Variants in ITSN1 observed in about 807,000 individuals in gnomAD.
The protein encoded by ITSN1 is intersectin-1.
A neutral mutation model predicts 239.8 loss-of-function variants in ITSN1; 58 were observed. The observed-to-expected ratio is 0.24, with a 90% CI of 0.20 to 0.30. The LOEUF (loss-of-function observed/expected upper bound fraction) is 0.30, where lower values mean the gene tolerates loss of function less well. ITSN1 is among the 10% of genes least tolerant of loss of function. The probability of loss-of-function intolerance (pLI) is 1.00; values close to 1 mark genes in which losing one functional copy is unlikely to be tolerated. For missense variants in ITSN1, 1,558 were observed against 2,103.3 expected (o/e 0.74, Z 5.07); for synonymous variants, 780 against 770.8 (o/e 1.01, Z -0.20).
chr21:33,658,606 C>G (rs1252319048), intron 1 of ITSN1, among the ~76,000 whole-genome samples: 1 of 152,184 alleles, frequency 6.6e-6, no homozygotes, highest in African/African-American at 2.4e-5. Context: ...ATCATTGACT[C>G]AAATGTTACT....
At chr21:33,700,083 T>A (rs58251281) in intron 1 of ITSN1, among the ~76,000 whole-genome samples, 1 of 150,784 alleles carries the variant, frequency 6.6e-6, no homozygotes, top group Non-Finnish European at 1.5e-5. Flanking sequence ...TTTTTGTTGT[T>A]GTTTTGTTTT....
At position 33,899,858 on chromosome 21, in the gene ITSN1, C is replaced by T. The variant is rs141145073; in HGVS notation, c.*11558C>T. On this transcript the variant is annotated 3_prime_UTR_variant, in exon 40 of 40. Transcript: ENST00000381318. ...TAGTTCATGAATAAAAGGAGAAAAGCCAATCTGTTATAGTGGATTATTTTG... is the reference window on the plus strand; with the variant it reads ...TAGTTCATGAATAAAAGGAGAAAAGTCAATCTGTTATAGTGGATTATTTTG... The T allele has an allele frequency of 6.6e-6, 1 of 152,136 alleles. No homozygotes were observed. Among genetic ancestry groups the T allele is most frequent in the African/African-American group, 2.4e-5 (1 of 41,418 alleles). 9.4% of individuals were successfully genotyped at this position (152,136 alleles called of 1,614,324 possible).
intron 12 of ITSN1, among the ~76,000 whole-genome samples, chr21:33,773,300 G>A (rs769086841): frequency 1.1e-4 from 17 of 152,148 alleles, no homozygotes; most frequent in Middle Eastern, 6.8e-3. Context: ...GAGCCACCGC[G>A]CCTGGCCCAT....
chr21:33,712,839 CT>C (rs760231931), intron 1 of ITSN1, among the ~76,000 whole-genome samples: 3 of 152,224 alleles, frequency 2.0e-5, no homozygotes, highest in Non-Finnish European at 4.4e-5. Context: ...TGTGTTCTGT[CT>C]GCTATAGCAG....
intron 19 of ITSN1, among the ~76,000 whole-genome samples, chr21:33,802,159 C>T (rs1330613125): frequency 6.6e-6 from 1 of 151,940 alleles, no homozygotes; most frequent in Non-Finnish European, 1.5e-5. Flanking sequence ...AGAAGCAGCT[C>T]GCTCTCATCC....
intron 4 of ITSN1, among the ~76,000 whole-genome samples, chr21:33,724,097 TTGTG>T (rs58227751): frequency 6.6e-6 from 1 of 150,542 alleles, no homozygotes; most frequent in Non-Finnish European, 1.5e-5. Flanking sequence ...GTGTGTGTGT[TTGTG>T]TGTGTGTGTG....
intron 23 of ITSN1, 64 bp downstream of exon 23, chr21:33,818,536 C>A: frequency 7.3e-7 from 1 of 1,364,768 alleles, no homozygotes; most frequent in Non-Finnish European, 1.0e-6. Flanking sequence ...TTACTGTTTG[C>A]ACTAGTTAAG....
At position 33,826,801 on chromosome 21, in the gene ITSN1, T is replaced by C; in HGVS notation, c.3184-17T>C. ...AAAACTTCAGCATGCAAATGAGACC[T>C]TTTGCTCTGTTTTAAGGGCTCTGGA... On this transcript the variant is annotated splice_polypyrimidine_tract_variant and intron_variant, in intron 25 of 39. Transcript: ENST00000381318. The C allele has an allele frequency of 6.2e-7, 1 of 1,611,772 alleles. No homozygotes were observed. The highest frequency in any genetic ancestry group is 8.5e-7 in the Non-Finnish European group (1 of 1,178,136).
At chr21:33,677,455 T>G (rs1221212031) in intron 1 of ITSN1, among the ~76,000 whole-genome samples, 1 of 151,850 alleles carries the variant, frequency 6.6e-6, no homozygotes, top group East Asian at 1.9e-4. Context: ...TTTTCTTGCC[T>G]CAACCTCCCG....
chr21:33,862,484 A>AGAAGGAGAAGAGG (rs1980802499), intron 31 of ITSN1, among the ~76,000 whole-genome samples: 1 of 152,142 alleles, frequency 6.6e-6, no homozygotes, highest in African/African-American at 2.4e-5. Flanking sequence ...TGGGGTTGGG[A>AGAAGGAGAAGAGG]GAAGGAGAAG....
At chr21:33,847,597 GGTCAGTGGT>G (rs1040137975) in intron 29 of ITSN1, among the ~76,000 whole-genome samples, 1 of 152,194 alleles carries the variant, frequency 6.6e-6, no homozygotes, top group Non-Finnish European at 1.5e-5. Context: ...CATGGCTGGG[GGTCAGTGGT>G]GGCAGCGTGG....
At chr21:33,762,034 A>G in intron 9 of ITSN1, 48 bp downstream of exon 9, 1 of 1,375,838 alleles carries the variant, frequency 7.3e-7, no homozygotes, top group Non-Finnish European at 1.0e-6. Flanking sequence ...AAACTTGGTT[A>G]GATTGGTGTG....
chr21:33,875,673 C>A, intron 34 of ITSN1, 152 bp downstream of exon 34: 1 of 695,356 alleles, frequency 1.4e-6, no homozygotes, highest in Non-Finnish European at 2.4e-6. Flanking sequence ...GTTTCATCCA[C>A]CCACTGAGTA....
intron 8 of ITSN1, among the ~76,000 whole-genome samples, chr21:33,756,014 A>G (rs1417450320): frequency 6.6e-6 from 1 of 152,200 alleles, no homozygotes; most frequent in African/African-American, 2.4e-5. Flanking sequence ...TTAGAAAGTT[A>G]TAAAGAAGGC....
At position 33,883,689 on chromosome 21, in the gene ITSN1, C is replaced by G. The variant is rs894848786; in HGVS notation, c.4676+18C>G. 1 of 1,611,110 alleles carries G rather than the reference C, an allele frequency of 6.2e-7. No homozygotes were observed. Among genetic ancestry groups the G allele is most frequent in the Non-Finnish European group, 8.5e-7 (1 of 1,178,082 alleles). Reference sequence around the variant, plus strand: ...AATGAAAGGTGAGACCTGCCGCCTCCCCAGCATGGGCCCCAGGGCTCCACG... The same window carrying G: ...AATGAAAGGTGAGACCTGCCGCCTCGCCAGCATGGGCCCCAGGGCTCCACG... On this transcript the variant is annotated intron_variant, in intron 36 of 39. Transcript: ENST00000381318.
At chr21:33,799,496 T>A (rs1030143884) in intron 18 of ITSN1, among the ~76,000 whole-genome samples, 4 of 152,132 alleles carry the variant, frequency 2.6e-5, no homozygotes. Flanking sequence ...GCTTTACAGA[T>A]CTGCACTGCT....
intron 1 of ITSN1, among the ~76,000 whole-genome samples, chr21:33,670,171 T>C (rs940601022): frequency 2.0e-5 from 3 of 152,084 alleles, no homozygotes; most frequent in Admixed American, 6.6e-5. Context: ...TTGGACAACA[T>C]AGTGAGACCT....
rs1311934326 is a variant in ITSN1 at position 33,743,053 on chromosome 21, CAG to C, written c.347-7088_347-7087del. Among the ~76,000 whole-genome samples, 3 of 151,734 alleles carry C rather than the reference CAG, an allele frequency of 2.0e-5. No individual in the cohort carries two copies. In the East Asian group the frequency reaches 5.8e-4, roughly 29 times the overall value. ...TTTTTAAGGCTCATAAATAAGGTGA[CAG>C]AAAGAATGAGAAATAAAAGAAAAAT... On this transcript the variant is annotated intron_variant, in intron 5 of 39. Transcript: ENST00000381318.
rs1339476739 is a variant in ITSN1 at position 33,767,725 on chromosome 21, T to A, written c.939T>A (p.Ser313=). The change falls in exon 11 of 40, where the codon TCT becomes TCA. Residue 313 remains serine (S), a synonymous_variant. Coordinates refer to ENST00000381318, the MANE Select transcript of ITSN1 (RefSeq NM_003024.3). The stretch of plus-strand genomic sequence containing the variant: ...CCCGCAATTGCAGAAGAGTTCGATC[T>A]GGCAGTGGTATATCTGTCATAAGCT... ...YIPPSFRRVR[S]GSGISVISST... is the part of the protein sequence containing the mutation. The A allele has an allele frequency of 6.2e-7, 1 of 1,604,312 alleles. No individual in the cohort carries two copies. The highest frequency in any genetic ancestry group is 2.2e-5 in the East Asian group (1 of 44,650).
Sources: allele counts gnomAD v4.1 joint callset (sites outside exome capture counted in the v4.1 genomes callset), GRCh38; gene constraint gnomAD v4.1.1; transcripts MANE v1.5; gene names NCBI Gene and HGNC (gene_info 2026-07-23, HGNC 2026-07-21).